The following DMXL1 variants were observed in gnomAD, a reference collection of about 807,000 sequenced individuals.
DMXL1 encodes the protein Dmx like 1, also known as dmX-like protein 1.
A neutral mutation model predicts 319.2 loss-of-function variants in DMXL1; 99 were observed. The observed-to-expected ratio is 0.31, with a 90% confidence interval of 0.26 to 0.37. The LOEUF (loss-of-function observed/expected upper bound fraction) is 0.37. Among genes scored for constraint, DMXL1 ranks in the 10% least tolerant of loss-of-function variants. DMXL1 has a pLI of 1.00. For missense variants in DMXL1, 3,745 were observed against 3,595.6 expected (o/e 1.04, Z -1.06); for synonymous variants, 1,385 against 1,235.2 (o/e 1.12, Z -2.54).
chr5:119,109,029 G>A (rs564881804), intron 4 of DMXL1, among the ~76,000 whole-genome samples: 20 of 151,898 alleles, frequency 1.3e-4, no homozygotes, highest in African/African-American at 4.6e-4. Flanking sequence ...TTGGACTCCC[G>A]ACCTCAGGTG....
intron 1 of DMXL1, among the ~76,000 whole-genome samples, chr5:119,092,406 T>A (rs1755001270): frequency 6.6e-6 from 1 of 152,102 alleles, no homozygotes; most frequent in Admixed American, 6.6e-5. Context: ...AGGTGCAATG[T>A]TGTATGAATC....
chr5:119,110,901 G>C (rs185867027), intron 5 of DMXL1, among the ~76,000 whole-genome samples: 5 of 152,284 alleles, frequency 3.3e-5, no homozygotes, highest in African/African-American at 1.2e-4. Flanking sequence ...CAATTCTCCT[G>C]CCTCAGCCTC....
chr5:119,102,578 G>C (rs1757498616), intron 3 of DMXL1, among the ~76,000 whole-genome samples: 1 of 152,144 alleles, frequency 6.6e-6, no homozygotes, highest in Admixed American at 6.5e-5. Flanking sequence ...CTATTTGGGA[G>C]GCTGAGGCAG....
chr5:119,106,123 T>A (rs1758284880), intron 4 of DMXL1, among the ~76,000 whole-genome samples: 1 of 152,160 alleles, frequency 6.6e-6, no homozygotes, highest in Non-Finnish European at 1.5e-5. Flanking sequence ...AAGGCTTTGT[T>A]CACATATCTG....
intron 1 of DMXL1, among the ~76,000 whole-genome samples, chr5:119,079,552 T>C (rs1195989912): frequency 2.0e-5 from 3 of 152,258 alleles, no homozygotes; most frequent in African/African-American, 7.2e-5. Flanking sequence ...TTGTTGCCAC[T>C]TTTATGTCCT....
In DMXL1 at chr5:119,247,663, G is replaced by C. The variant is rs886831861; in HGVS notation, c.*444G>C. ...CAAACTCTTCTCTTAATTAATGATAGGTATTTGAGTAAGAATGAAAAAAAT... is the reference window on the plus strand; with the variant it reads ...CAAACTCTTCTCTTAATTAATGATACGTATTTGAGTAAGAATGAAAAAAAT... On this transcript the variant is annotated 3_prime_UTR_variant, in exon 44 of 44. Coordinates refer to ENST00000539542, the MANE Select transcript of DMXL1 (RefSeq NM_001290321.3). The C allele has an allele frequency of 6.6e-6, 1 of 152,110 alleles. No individual in the cohort carries two copies. Among genetic ancestry groups the C allele is most frequent in the Non-Finnish European group, 1.5e-5 (1 of 68,230 alleles). 9.4% of individuals were successfully genotyped at this position (152,110 alleles called of 1,614,324 possible).
chr5:119,155,916 A>T (rs973257505), intron 19 of DMXL1, among the ~76,000 whole-genome samples: 2 of 152,022 alleles, frequency 1.3e-5, no homozygotes, highest in Non-Finnish European at 2.9e-5. Context: ...GGTGGAATCT[A>T]TTCCTGGTGA....
chr5:119,169,913 G>C (rs1452365277), intron 23 of DMXL1, among the ~76,000 whole-genome samples: 1 of 152,168 alleles, frequency 6.6e-6, no homozygotes, highest in Non-Finnish European at 1.5e-5. Flanking sequence ...AGAACTAAGA[G>C]TCTATAACTG....
At chr5:119,151,156 T>A (rs533392959) in intron 18 of DMXL1, among the ~76,000 whole-genome samples, 111 of 152,222 alleles carry the variant, frequency 7.3e-4, no homozygotes, top group Admixed American at 1.6e-3. Context: ...GAGTTTTTTT[T>A]AAATTAGCAT....
intron 32 of DMXL1, 72 bp downstream of exon 32, chr5:119,198,028 A>T: frequency 1.4e-6 from 2 of 1,479,580 alleles, no homozygotes; most frequent in Non-Finnish European, 1.9e-6. Context: ...TCGCTCTGTC[A>T]TCCGGGCTGG....
At chr5:119,221,274 A>T (rs936912884) in intron 37 of DMXL1, among the ~76,000 whole-genome samples, 193 bp downstream of exon 37, 2 of 152,196 alleles carry the variant, frequency 1.3e-5, no homozygotes, top group Admixed American at 6.5e-5. Context: ...AAATTGTTTT[A>T]AAAATATACT....
intron 19 of DMXL1, among the ~76,000 whole-genome samples, chr5:119,154,442 G>C (rs1770552911): frequency 6.6e-6 from 1 of 152,178 alleles, no homozygotes; most frequent in Non-Finnish European, 1.5e-5. Context: ...AAGTTTGAGT[G>C]GTCTAGATGG....
intron 1 of DMXL1, among the ~76,000 whole-genome samples, chr5:119,077,754 AGTGTGTGTGTGTGT>A (rs59365686): frequency 4.0e-5 from 5 of 125,412 alleles, no homozygotes; most frequent in East Asian, 2.1e-4. Context: ...TTATTTTTTA[AGTGTGTGTGTGTGT>A]GTGTGTGTGT....
At chr5:119,210,757 G>GTTTTTTTTTTTTTTTTTTTTTTT in intron 34 of DMXL1, among the ~76,000 whole-genome samples, 28 of 89,776 alleles carry the variant, frequency 3.1e-4, no homozygotes, top group Non-Finnish European at 3.8e-4. Flanking sequence ...TTTTTCTTTC[G>GTTTTTTTTTTTTTTTTTTTTTTT]TTTTTTTTTT....
At chr5:119,227,664 C>T (rs1785849055) in intron 38 of DMXL1, among the ~76,000 whole-genome samples, 1 of 151,936 alleles carries the variant, frequency 6.6e-6, no homozygotes, top group Non-Finnish European at 1.5e-5. Context: ...CCTTTGGTTC[C>T]TTAAAGCTGT....
chr5:119,215,580 C>T (rs906937618), intron 34 of DMXL1, among the ~76,000 whole-genome samples: 2 of 152,090 alleles, frequency 1.3e-5, no homozygotes, highest in African/African-American at 4.8e-5. Context: ...GATCCACTCA[C>T]CTCAGCCTCT....
At chr5:119,085,913 A>C (rs1234467633) in intron 1 of DMXL1, among the ~76,000 whole-genome samples, 1 of 152,170 alleles carries the variant, frequency 6.6e-6, no homozygotes, top group Non-Finnish European at 1.5e-5. Flanking sequence ...AATTTTATCA[A>C]ATGCTTTTCC....
chr5:119,154,346 A>G (rs552409722), intron 19 of DMXL1, among the ~76,000 whole-genome samples: 1 of 152,244 alleles, frequency 6.6e-6, no homozygotes, highest in Non-Finnish European at 1.5e-5. Flanking sequence ...GTAAATGCAA[A>G]GGACAAGGTC....
intron 5 of DMXL1, among the ~76,000 whole-genome samples, chr5:119,111,510 A>G (rs554501081): frequency 1.4e-4 from 21 of 152,218 alleles, no homozygotes; most frequent in Non-Finnish European, 2.6e-4. Context: ...TTTGGCTAAC[A>G]TTTGTCATTT....
Sources: allele counts gnomAD v4.1 joint callset (sites outside exome capture counted in the v4.1 genomes callset), GRCh38; gene constraint gnomAD v4.1.1; transcripts MANE v1.5; gene names NCBI Gene and HGNC (gene_info 2026-07-23, HGNC 2026-07-21).